The following HDAC4 variants were observed in gnomAD, a reference collection of about 807,000 sequenced individuals.
HDAC4 encodes the protein histone deacetylase 4.
HDAC4 carries 16 observed loss-of-function variants against 135.1 expected under a neutral mutation model. That is an observed-to-expected ratio of 0.12 (90% confidence interval 0.08 to 0.18). The LOEUF (loss-of-function observed/expected upper bound fraction) is 0.18. HDAC4 is among the 10% of genes least tolerant of loss of function. The pLI is 1.00. For missense variants in HDAC4, 1,143 were observed against 1,511.8 expected (o/e 0.76, Z 4.05); for synonymous variants, 685 against 653.4 (o/e 1.05, Z -0.74).
chr2:239,217,205 G>A (rs1196153831), intron 3 of HDAC4, among the ~76,000 whole-genome samples: 1 of 152,208 alleles, frequency 6.6e-6, no homozygotes, highest in Non-Finnish European at 1.5e-5. Context: ...AGGGTCTCCA[G>A]GAGCCGGCAG....
intron 25 of HDAC4, 38 bp downstream of exon 25, chr2:239,054,711 G>A: frequency 7.5e-7 from 1 of 1,329,814 alleles, no homozygotes; most frequent in African/African-American, 1.4e-5. Context: ...CCACCCCCAG[G>A]GGCGTGTCCC....
chr2:239,293,797 CG>C (rs1208388541), intron 2 of HDAC4, among the ~76,000 whole-genome samples: 4 of 152,226 alleles, frequency 2.6e-5, no homozygotes, highest in African/African-American at 7.2e-5. Flanking sequence ...ATACAGTTTA[CG>C]TGCTCCCAAA....
intron 2 of HDAC4, among the ~76,000 whole-genome samples, chr2:239,284,988 G>A (rs766970839): frequency 4.2e-4 from 64 of 152,194 alleles, no homozygotes; most frequent in Non-Finnish European, 5.7e-4. Flanking sequence ...AATGAAAGGA[G>A]AGATGGGATC....
At chr2:239,378,737 A>T (rs979241498) in intron 1 of HDAC4, among the ~76,000 whole-genome samples, 8 of 152,026 alleles carry the variant, frequency 5.3e-5, no homozygotes, top group Admixed American at 5.2e-4. Context: ...GGAACCAATG[A>T]CCCCAGCAAC....
Position 239,066,771 on chromosome 2 carries a change from G to T in HDAC4, c.2954C>A (p.Ala985Asp). The change falls in exon 24 of 27, where the codon GCC becomes GAC. Residue 985 changes from alanine (A) to aspartate (D), a missense_variant. This residue lies in a region of HDAC4 where 189 missense variants were observed against 317.6 expected (regional missense o/e 0.60). Coordinates refer to ENST00000543185, the MANE Select transcript of HDAC4 (RefSeq NM_001378414.1). ...ACATGCTTCCGAGGCGTCGCAAATG[G>T]CGGTCAGGTCGTGGCCTCCCTCGAG... ...LALEGGHDLT[A>D]ICDASEACVS... 3 of 1,613,966 alleles carry T rather than the reference G, an allele frequency of 1.9e-6. No individual in the cohort carries two copies. The highest frequency in any genetic ancestry group is 2.5e-6 in the Non-Finnish European group (3 of 1,180,034).
At chr2:239,072,510 C>A (rs576427953) in intron 22 of HDAC4, among the ~76,000 whole-genome samples, 1 of 152,174 alleles carries the variant, frequency 6.6e-6, no homozygotes, top group Non-Finnish European at 1.5e-5. Flanking sequence ...TGTGTCCCCA[C>A]GGCCTCCCCA....
chr2:239,120,617 G>T (rs545875648), intron 12 of HDAC4, among the ~76,000 whole-genome samples: 23 of 121,992 alleles, frequency 1.9e-4, no homozygotes, highest in Non-Finnish European at 3.6e-4. Flanking sequence ...GGGGGGGCGG[G>T]GAAGGGAAAT....
At chr2:239,096,897 C>T (rs903662903) in intron 16 of HDAC4, among the ~76,000 whole-genome samples, 9 of 152,142 alleles carry the variant, frequency 5.9e-5, no homozygotes, top group Non-Finnish European at 1.0e-4. Context: ...AGAATGGCCA[C>T]GTCCACGGCC....
Position 239,217,823 on chromosome 2 carries a change from T to C in HDAC4, c.94+18770A>G, listed in dbSNP as rs532926150. 2.0e-5 allele frequency among the ~76,000 whole-genome samples: 3 copies of C among 152,242 alleles called. No homozygotes were observed. In the East Asian group the frequency reaches 5.8e-4, roughly 29 times the overall value. On this transcript the variant is annotated intron_variant, in intron 3 of 26. Coordinates refer to ENST00000543185, the MANE Select transcript of HDAC4 (RefSeq NM_001378414.1). ...AGAAAACAGGGTCGGGCACAACAGC[T>C]CACGCCTGTAATCACGGTGCTTTGG...
At chr2:239,342,421 T>C (rs1692349589) in intron 2 of HDAC4, among the ~76,000 whole-genome samples, 1 of 152,168 alleles carries the variant, frequency 6.6e-6, no homozygotes, top group African/African-American at 2.4e-5. Flanking sequence ...TAATGAACAC[T>C]AAGACACACA....
intron 2 of HDAC4, among the ~76,000 whole-genome samples, chr2:239,279,755 G>C (rs1392240089): frequency 1.3e-5 from 2 of 152,228 alleles, no homozygotes; most frequent in Non-Finnish European, 2.9e-5. Context: ...CATGGGATGG[G>C]GGCGACTGAG....
intron 16 of HDAC4, among the ~76,000 whole-genome samples, chr2:239,100,940 C>T (rs1461632599): frequency 2.0e-5 from 3 of 152,148 alleles, no homozygotes; most frequent in African/African-American, 4.8e-5. Flanking sequence ...CAGGCGAAGC[C>T]GCTGTGTAGG....
chr2:239,118,263 T>C (rs1358801516), intron 12 of HDAC4, among the ~76,000 whole-genome samples: 1 of 152,172 alleles, frequency 6.6e-6, no homozygotes, highest in Non-Finnish European at 1.5e-5. Flanking sequence ...AAAAGCCGAG[T>C]GAAGAAAACG....
intron 24 of HDAC4, 51 bp from the exon 25 acceptor site, chr2:239,054,884 G>T: frequency 8.2e-7 from 1 of 1,222,314 alleles, no homozygotes; most frequent in Non-Finnish European, 1.2e-6. Flanking sequence ...ATCCACACGT[G>T]CGTTAGACGG....
At chr2:239,119,534 T>C (rs151338744) in intron 12 of HDAC4, among the ~76,000 whole-genome samples, 3 of 131,884 alleles carry the variant, frequency 2.3e-5, no homozygotes, top group African/African-American at 3.3e-5. Context: ...GAGCTGAGGG[T>C]GTGGGGACCA....
intron 9 of HDAC4, among the ~76,000 whole-genome samples, chr2:239,137,972 C>G (rs1376727673): frequency 6.6e-6 from 1 of 152,186 alleles, no homozygotes; most frequent in African/African-American, 2.4e-5. Context: ...TGCAGACCCA[C>G]CCAAACAAGG....
rs1039960169 is a variant in HDAC4 at position 239,335,675 on chromosome 2, C to T, written c.22+17003G>A. On this transcript the variant is annotated intron_variant, in intron 2 of 26. Transcript: ENST00000543185. ...AACCAATTTCTTAAATGAATAGAAA[C>T]TTCTCCACCAAAGATGACATCTAGT... Among the ~76,000 whole-genome samples, 6 of 152,100 alleles carry T rather than the reference C, an allele frequency of 3.9e-5. No homozygotes were observed. In the South Asian group the frequency reaches 1.2e-3, roughly 32 times the overall value.
At chr2:239,201,070 A>C (rs11124187) in intron 3 of HDAC4, among the ~76,000 whole-genome samples, 2 of 152,288 alleles carry the variant, frequency 1.3e-5, no homozygotes, top group East Asian at 1.9e-4. Context: ...GTGCTGATGT[A>C]TTAATTCATT....
intron 24 of HDAC4, 73 bp downstream of exon 24, chr2:239,066,649 T>C (rs1164680482): frequency 1.2e-6 from 2 of 1,606,766 alleles, no homozygotes; most frequent in East Asian, 4.5e-5. Context: ...GCTCTGGGGC[T>C]CTCGGGCAGC....
Sources: allele counts gnomAD v4.1 joint callset (sites outside exome capture counted in the v4.1 genomes callset), GRCh38; gene constraint gnomAD v4.1.1; regional missense constraint gnomAD v4.1.1; transcripts MANE v1.5; gene names NCBI Gene and HGNC (gene_info 2026-07-23, HGNC 2026-07-21).